The following OR1J2 variants were observed in gnomAD, a reference collection of about 807,000 sequenced individuals.
OR1J2 encodes olfactory receptor 1J2.
For missense variants in OR1J2, 304 were observed against 246.1 expected, an observed-to-expected ratio of 1.24 and a Z score of -1.57; for synonymous variants, 142 against 99.7, an observed-to-expected ratio of 1.42 and a Z score of -2.52.
At chr9:122,511,861 G>A, downstream of OR1J2, 1 of 646,286 alleles carries the variant, frequency 1.5e-6, no homozygotes, top group East Asian at 2.7e-5. Flanking sequence ...ATGTTAACAT[G>A]TTGAATGTAA....
chr9:122,527,735 C>T, the OR1J2 span, among the ~76,000 whole-genome samples: 1 of 152,124 alleles, frequency 6.6e-6, no homozygotes, highest in Non-Finnish European at 1.5e-5. Context: ...AGGACTCATG[C>T]CTCTTTATTT....
chr9:122,513,935 C>A (rs914700323), downstream of OR1J2, among the ~76,000 whole-genome samples: 1 of 152,120 alleles, frequency 6.6e-6, no homozygotes. Context: ...TAAGGCATTT[C>A]ATAGTCTTTA....
the OR1J2 span, among the ~76,000 whole-genome samples, chr9:122,479,795 A>C: frequency 6.6e-6 from 1 of 152,226 alleles, no homozygotes; most frequent in South Asian, 2.1e-4. Flanking sequence ...TTAGACCTAG[A>C]ATCTATCATA....
At chr9:122,475,825 C>T in the OR1J2 span, 30 of 152,152 alleles carry the variant, frequency 2.0e-4, no homozygotes, top group African/African-American at 7.2e-4. Context: ...GGTAAAGAAA[C>T]GCCTTCTTTG....
chr9:122,498,170 C>A, the OR1J2 span, among the ~76,000 whole-genome samples: 765 of 151,848 alleles, frequency 5.0e-3, 2 homozygotes, highest in African/African-American at 0.018. Flanking sequence ...TTGATGTATA[C>A]CTCTCTAGCA....
At chr9:122,551,123 C>G in the OR1J2 span, among the ~76,000 whole-genome samples, 1 of 152,088 alleles carries the variant, frequency 6.6e-6, no homozygotes, top group Non-Finnish European at 1.5e-5. Context: ...AACAATCAAG[C>G]TGAGAACCAA....
At chr9:122,467,662 C>G in the OR1J2 span, among the ~76,000 whole-genome samples, 84 of 152,314 alleles carry the variant, frequency 5.5e-4, no homozygotes, top group Non-Finnish European at 1.1e-3. Flanking sequence ...CCAGATGGCA[C>G]TGCAAGGTAT....
the OR1J2 span, among the ~76,000 whole-genome samples, chr9:122,524,787 T>C: frequency 0.066 from 10,019 of 152,134 alleles, 419 homozygotes; most frequent in South Asian, 0.18. Context: ...AGGGTGGACA[T>C]AGGTTTCAGA....
the OR1J2 span, among the ~76,000 whole-genome samples, chr9:122,546,036 G>C: frequency 6.6e-6 from 1 of 152,038 alleles, no homozygotes; most frequent in Non-Finnish European, 1.5e-5. Flanking sequence ...TGTGTTGGGG[G>C]GTGGATAAAC....
At chr9:122,509,323 A>G (rs540796084), upstream of OR1J2, among the ~76,000 whole-genome samples, 12 of 152,290 alleles carry the variant, frequency 7.9e-5, no homozygotes, top group African/African-American at 2.9e-4. Flanking sequence ...AGTACACTTA[A>G]AATCTCACTT....
chr9:122,511,289 T>C lies in OR1J2; in HGVS notation c.488T>C (p.Leu163Pro). ...AGCTCCCTCTCTCACACCCTTCTCC[T>C]GACCCGGCTGTCTTTCTGTGCTGCG... ...CASSLSHTLLLTRLSFCAANT... is the reference protein window; with the variant it reads ...CASSLSHTLLPTRLSFCAANT... Residue 163 changes from leucine (L) to proline (P), a missense_variant, in exon 1 of 1, where the codon CTG becomes CCG. Physicochemically the swap from Leu to Pro is moderately conservative, Grantham distance 98. Transcript: ENST00000335302. The C allele has an allele frequency of 1.4e-6, 1 of 737,220 alleles. No homozygotes were observed. Among genetic ancestry groups the C allele is most frequent in the African/African-American group, 1.7e-5 (1 of 57,592 alleles). The allele number at this position is 737,220 out of a possible 1,614,324, so 45.7% of individuals were successfully genotyped here. A position where few individuals can be genotyped will look rare whatever the true frequency, so the allele number is the denominator to read the frequency against.
chr9:122,477,273 A>G, the OR1J2 span: 9 of 1,614,098 alleles, frequency 5.6e-6, no homozygotes, highest in Admixed American at 1.0e-4. Flanking sequence ...CAATGTGACC[A>G]TAAGAAACCA....
At chr9:122,466,677 A>G in the OR1J2 span, among the ~76,000 whole-genome samples, 1 of 152,164 alleles carries the variant, frequency 6.6e-6, no homozygotes, top group Non-Finnish European at 1.5e-5. Flanking sequence ...GCTGCAAGAG[A>G]AAGGGGGAAT....
chr9:122,521,335 G>A, the OR1J2 span, among the ~76,000 whole-genome samples: 1 of 152,178 alleles, frequency 6.6e-6, no homozygotes. Flanking sequence ...GCAATAACCT[G>A]CCCTAGGACA....
chr9:122,536,782 T>C, the OR1J2 span, among the ~76,000 whole-genome samples: 1 of 152,238 alleles, frequency 6.6e-6, no homozygotes, highest in African/African-American at 2.4e-5. Context: ...TGTGTGTGGA[T>C]AGCCAGTTTT....
Position 122,511,259 on chromosome 9 carries a change from G to A in OR1J2, c.458G>A (p.Cys153Tyr). The A allele has an allele frequency of 2.6e-6, 2 of 755,884 alleles. No homozygotes were observed. Among genetic ancestry groups the A allele is most frequent in the South Asian group, 1.4e-5 (1 of 69,398 alleles). The allele number at this position is 755,884 out of a possible 1,614,324, so 46.8% of individuals were successfully genotyped here. A position where few individuals can be genotyped will look rare whatever the true frequency, so the allele number is the denominator to read the frequency against. The change falls in exon 1 of 1, where the codon TGT (cysteine) becomes TAT (tyrosine). Residue 153 changes from cysteine (C) to tyrosine (Y), a missense_variant. By Grantham distance (194) the Cys-to-Tyr change is radical. Coordinates refer to ENST00000335302, the MANE Select transcript of OR1J2 (RefSeq NM_054107.1). ...FLVAVSWILS[C>Y]ASSLSHTLLL... ...GTGGCTGTATCTTGGATTCTGTCTT[G>A]TGCCAGCTCCCTCTCTCACACCCTT... is the stretch of plus-strand genomic sequence containing the variant.
chr9:122,459,916 C>G, the OR1J2 span, among the ~76,000 whole-genome samples: 1 of 151,952 alleles, frequency 6.6e-6, no homozygotes, highest in African/African-American at 2.4e-5. Flanking sequence ...GCGGGTTTTG[C>G]CATTAAAAGA....
At chr9:122,524,899 T>G in the OR1J2 span, among the ~76,000 whole-genome samples, 3 of 152,142 alleles carry the variant, frequency 2.0e-5, no homozygotes, top group Non-Finnish European at 4.4e-5. Context: ...GACCCTCTTC[T>G]GAAAGAGCTG....
At chr9:122,552,185 C>G in the OR1J2 span, among the ~76,000 whole-genome samples, 1 of 150,476 alleles carries the variant, frequency 6.6e-6, no homozygotes, top group Non-Finnish European at 1.5e-5. Context: ...AGAAGCTTCT[C>G]TATGAACCAA....
Sources: allele counts gnomAD v4.1 joint callset (sites outside exome capture counted in the v4.1 genomes callset), GRCh38; gene constraint gnomAD v4.1.1; transcripts MANE v1.5; gene names NCBI Gene and HGNC (gene_info 2026-07-23, HGNC 2026-07-21).